Variants in PJA2 observed in about 807,000 individuals in gnomAD.
PJA2 encodes E3 ubiquitin-protein ligase Praja-2.
PJA2 carries 25 observed loss-of-function variants against 69.3 expected under a neutral mutation model. The ratio of observed to expected loss-of-function variants is 0.36; its 90% CI spans 0.26 to 0.50. The LOEUF is 0.50. PJA2 is among the 20% of genes least tolerant of loss of function. PJA2 has a pLI of 0.96. For missense variants in PJA2, 809 were observed against 830.2 expected (o/e 0.97, Z 0.31); for synonymous variants, 308 against 277.8 (o/e 1.11, Z -1.08).
In PJA2 at chr5:109,406,082, C is replaced by T. The variant is rs376563322; in HGVS notation, c.-88+3760G>A. 3.5e-5 allele frequency among the ~76,000 whole-genome samples: 5 copies of T among 142,256 alleles called. No homozygotes were observed. The East Asian group carries it at 8.2e-4, about 23-fold the overall frequency. The allele number at this position is 142,256 out of a possible 152,430, so 93.3% of individuals were successfully genotyped here. ...TTTTTGAGACGGAGTCTCGCTCTGT[C>T]GCCCAGGCTGGAGTGCAGTGGCACG... On this transcript the variant is annotated intron_variant, in intron 1 of 9. Transcript: ENST00000361189.
chr5:109,363,204 T>C (rs990839788), intron 5 of PJA2, among the ~76,000 whole-genome samples, 182 bp from the exon 6 acceptor site: 6 of 152,214 alleles, frequency 3.9e-5, no homozygotes, highest in Non-Finnish European at 7.3e-5. Context: ...AAATCAGTTA[T>C]AGGGTCATAT....
At chr5:109,341,248 C>T (rs1241656703) in intron 9 of PJA2, among the ~76,000 whole-genome samples, 5 of 147,458 alleles carry the variant, frequency 3.4e-5, no homozygotes, top group East Asian at 2.1e-4. Context: ...CATCTCTGCC[C>T]GGCCGCCCAT....
At chr5:109,353,448 C>T (rs1179300812) in intron 7 of PJA2, among the ~76,000 whole-genome samples, 1 of 119,186 alleles carries the variant, frequency 8.4e-6, no homozygotes, top group South Asian at 2.9e-4. Context: ...ATATAGATAT[C>T]TATATATTAG....
At chr5:109,400,870 TTAC>T (rs1232906079) in intron 1 of PJA2, among the ~76,000 whole-genome samples, 1 of 151,924 alleles carries the variant, frequency 6.6e-6, no homozygotes, top group Non-Finnish European at 1.5e-5. Flanking sequence ...GTAGCCCCAG[TTAC>T]TCAGGAGGCT....
rs554020199 is a variant in PJA2, at chr5:109,344,034, T to G, written c.2001+156A>C. 1.4e-4 allele frequency among the ~76,000 whole-genome samples: 21 copies of G among 150,258 alleles called. No individual in the cohort carries two copies. In the South Asian group the frequency reaches 3.8e-3, roughly 27 times the overall value. On this transcript the variant is annotated intron_variant, in intron 9 of 9. Coordinates refer to ENST00000361189, the MANE Select transcript of PJA2 (RefSeq NM_014819.5). The stretch of plus-strand genomic sequence containing the variant: ...ATCGCTTGAACCCTGGAGGCAGAGG[T>G]TGCAGTGAGCCGAGATCGAACCACT...
chr5:109,405,732 T>C, intron 1 of PJA2, among the ~76,000 whole-genome samples: 1 of 152,144 alleles, frequency 6.6e-6, no homozygotes, highest in Non-Finnish European at 1.5e-5. Context: ...ATACAAAAAC[T>C]AACCCAAAAT....
intron 1 of PJA2, among the ~76,000 whole-genome samples, chr5:109,397,117 T>C (rs1747432760): frequency 6.6e-6 from 1 of 152,182 alleles, no homozygotes; most frequent in South Asian, 2.1e-4. Flanking sequence ...CATTTTCTGC[T>C]GTGTAAAGAC....
intron 6 of PJA2, among the ~76,000 whole-genome samples, chr5:109,359,308 C>G (rs1762473961): frequency 6.6e-6 from 1 of 152,168 alleles, no homozygotes; most frequent in Admixed American, 6.5e-5. Flanking sequence ...AGTGGGCTAT[C>G]AGTAGTTAAC....
At position 109,379,040 on chromosome 5, in the gene PJA2, T is replaced by C; in HGVS notation, c.447A>G (p.Gly149=). ...HNHSEGEYIP[G]ACSASSVQNG... ...TTTGGACACTTGAAGCACTACAAGC[T>C]CCTGGAATATACTCTCCCTCAGAGT... Residue 149 remains glycine (G), a synonymous_variant, in exon 4 of 10, where the codon GGA becomes GGG. Coordinates refer to ENST00000361189, the MANE Select transcript of PJA2 (RefSeq NM_014819.5). 6.2e-7 allele frequency: 1 copy of C among 1,614,076 alleles called. No individual in the cohort carries two copies. The highest frequency in any genetic ancestry group is 1.1e-5 in the South Asian group (1 of 91,072).
chr5:109,384,284 A>T (rs1747112588), intron 1 of PJA2, among the ~76,000 whole-genome samples: 1 of 152,004 alleles, frequency 6.6e-6, no homozygotes, highest in Non-Finnish European at 1.5e-5. Flanking sequence ...ATGGCTTATA[A>T]CAATAATTAA....
intron 2 of PJA2, among the ~76,000 whole-genome samples, chr5:109,382,008 A>C (rs1396467891): frequency 6.6e-6 from 1 of 152,070 alleles, no homozygotes. Context: ...CATATGCCAA[A>C]TTATTATACT....
At chr5:109,368,809 T>A in intron 4 of PJA2, 63 bp from the exon 5 acceptor site, 4 of 1,485,682 alleles carry the variant, frequency 2.7e-6, no homozygotes. Context: ...ATTTGGGGTG[T>A]TAACTAGATG....
chr5:109,381,341 C>A (rs1438769641), intron 3 of PJA2, among the ~76,000 whole-genome samples, 162 bp downstream of exon 3: 1 of 151,816 alleles, frequency 6.6e-6, no homozygotes, highest in African/African-American at 2.4e-5. Flanking sequence ...ATATATACAC[C>A]ATTAATATTA....
intron 7 of PJA2, among the ~76,000 whole-genome samples, chr5:109,355,560 G>A (rs1762399929): frequency 6.6e-6 from 1 of 152,158 alleles, no homozygotes; most frequent in Admixed American, 6.5e-5. Context: ...AAAGAGATTT[G>A]TAATATATCC....
intron 9 of PJA2, among the ~76,000 whole-genome samples, chr5:109,342,882 G>A (rs1361673919): frequency 1.6e-5 from 1 of 61,968 alleles, no homozygotes; most frequent in Non-Finnish European, 3.3e-5. Context: ...GGGAGGTGGG[G>A]GGGGGGTCAG....
At chr5:109,340,990 C>T (rs888430404) in intron 9 of PJA2, among the ~76,000 whole-genome samples, 13 of 140,626 alleles carry the variant, frequency 9.2e-5, no homozygotes, top group Non-Finnish European at 3.2e-5. Context: ...CGGCTCACTA[C>T]AACCTACACC....
At chr5:109,372,064 TTA>T (rs1762682841) in intron 4 of PJA2, among the ~76,000 whole-genome samples, 1 of 152,222 alleles carries the variant, frequency 6.6e-6, no homozygotes, top group African/African-American at 2.4e-5. Context: ...TCAAATACAT[TTA>T]GTTAGGATAA....
At position 109,378,993 on chromosome 5, in the gene PJA2, G is replaced by A. The variant is rs555633716; in HGVS notation, c.494C>T (p.Thr165Ile). The A allele has an allele frequency of 3.1e-6, 5 of 1,614,130 alleles. No homozygotes were observed. In the South Asian group the frequency reaches 3.3e-5, roughly 11 times the overall value. ...TTTGCCATCTGGATCATAAGAGTCT[G>A]TATGAACCAATGCAATTCCATTTTG... The part of the protein sequence containing the change: ...SVQNGIALVH[T>I]DSYDPDGKHG... The change falls in exon 4 of 10, where the codon ACA becomes ATA. Residue 165 changes from threonine to isoleucine, a missense_variant. Transcript: ENST00000361189.
At chr5:109,355,471 A>G (rs1187654290) in intron 7 of PJA2, among the ~76,000 whole-genome samples, 1 of 152,196 alleles carries the variant, frequency 6.6e-6, no homozygotes, top group Admixed American at 6.5e-5. Flanking sequence ...TAAAGTGTGT[A>G]TATGTTTGCT....
Sources: allele counts gnomAD v4.1 joint callset (sites outside exome capture counted in the v4.1 genomes callset), GRCh38; gene constraint gnomAD v4.1.1; transcripts MANE v1.5; gene names NCBI Gene and HGNC (gene_info 2026-07-23, HGNC 2026-07-21).